The following DIP2C variants were observed in gnomAD, a reference collection of about 807,000 sequenced individuals.
DIP2C encodes the protein disco-interacting protein 2 homolog C.
In DIP2C, 33 loss-of-function variants were observed where a neutral mutation model predicts 192.4. That is an observed-to-expected ratio of 0.17 (90% CI 0.13 to 0.23). The LOEUF is 0.23. Among genes scored for constraint, DIP2C ranks in the 10% least tolerant of loss-of-function variants. DIP2C has a pLI of 1.00. For synonymous variants in DIP2C, 979 were observed against 864.1 expected, an observed-to-expected ratio of 1.13 and a Z score of -2.33; for missense variants, 1,537 against 2,110.1, an observed-to-expected ratio of 0.73 and a Z score of 5.32.
At chr10:480,000 T>C in intron 2 of DIP2C, among the ~76,000 whole-genome samples, 2 of 130,680 alleles carry the variant, frequency 1.5e-5, no homozygotes, top group East Asian at 2.3e-4. Context: ...CAGCCTGAGC[T>C]CCAGTCGACG....
intron 1 of DIP2C, among the ~76,000 whole-genome samples, chr10:670,588 G>A (rs913779070): frequency 3.3e-5 from 5 of 151,980 alleles, no homozygotes; most frequent in Non-Finnish European, 7.4e-5. Context: ...TGCCAACATC[G>A]GCCTGGATTA....
chr10:570,259 C>G (rs1312813417), intron 1 of DIP2C, among the ~76,000 whole-genome samples: 1 of 152,176 alleles, frequency 6.6e-6, no homozygotes, highest in Non-Finnish European at 1.5e-5. Flanking sequence ...ATTTAAACTT[C>G]ACAGTGTCAC....
chr10:511,040 G>A (rs1305451837), intron 1 of DIP2C, among the ~76,000 whole-genome samples: 1 of 152,216 alleles, frequency 6.6e-6, no homozygotes, highest in Non-Finnish European at 1.5e-5. Context: ...GACGTGCTTT[G>A]TTCAAGAGGT....
intron 1 of DIP2C, among the ~76,000 whole-genome samples, chr10:614,285 T>C (rs1056255641): frequency 6.6e-6 from 1 of 152,222 alleles, no homozygotes; most frequent in Non-Finnish European, 1.5e-5. Flanking sequence ...GTGTGGATGA[T>C]GGGTGCATTT....
chr10:529,775 G>A (rs1847261587), intron 1 of DIP2C, among the ~76,000 whole-genome samples: 1 of 151,796 alleles, frequency 6.6e-6, no homozygotes, highest in Admixed American at 6.6e-5. Flanking sequence ...GCTATGGAAA[G>A]GTTTAGCTTG....
intron 4 of DIP2C, among the ~76,000 whole-genome samples, chr10:440,344 A>G (rs1262016028): frequency 1.3e-5 from 2 of 152,230 alleles, no homozygotes; most frequent in Non-Finnish European, 2.9e-5. Flanking sequence ...TTCACACTCC[A>G]AGGGCAGAGT....
At chr10:399,058 G>A (rs1043527782) in intron 10 of DIP2C, 51 bp downstream of exon 10, 13 of 1,501,926 alleles carry the variant, frequency 8.7e-6, no homozygotes, top group African/African-American at 8.2e-5. Flanking sequence ...TACAGCCACC[G>A]TGAAAGCCAT....
intron 29 of DIP2C, among the ~76,000 whole-genome samples, chr10:333,754 T>C (rs976175941): frequency 6.6e-5 from 10 of 152,236 alleles, no homozygotes; most frequent in African/African-American, 2.4e-4. Flanking sequence ...TTTTTCCACC[T>C]TCTTGGTTAC....
In DIP2C at chr10:385,571, G is replaced by A. The variant is rs911783538; in HGVS notation, c.1663-932C>T. ...TGAATCGCAGGGCTAGGGGAAGCTC[G>A]GATTCTGGCTCTGGCCGGGCCTTGC... On this transcript the variant is annotated intron_variant, in intron 14 of 36. Transcript: ENST00000280886. 1.2e-4 allele frequency among the ~76,000 whole-genome samples: 19 copies of A among 152,160 alleles called. No homozygotes were observed. In the East Asian group the frequency reaches 1.7e-3, roughly 14 times the overall value.
At chr10:482,166 T>C (rs538119989) in intron 2 of DIP2C, among the ~76,000 whole-genome samples, 2 of 152,192 alleles carry the variant, frequency 1.3e-5, no homozygotes, top group African/African-American at 2.4e-5. Flanking sequence ...GAGTTCCTCA[T>C]GTGGATGCAG....
At chr10:599,760 G>A (rs570050466) in intron 1 of DIP2C, among the ~76,000 whole-genome samples, 9 of 152,294 alleles carry the variant, frequency 5.9e-5, no homozygotes, top group East Asian at 1.9e-4. Context: ...TTAAGATTCC[G>A]GATGTAAATG....
Position 439,396 on chromosome 10 carries a change from CGAA to C in DIP2C, c.394+1472_394+1474del, listed in dbSNP as rs1254201359. ...GCCCGCTGGCACTGTGTTCTTTAGA[CGAA>C]GATCACGCATGTGTAAATGAAAAAC... On this transcript the variant is annotated intron_variant, in intron 4 of 36. Transcript: ENST00000280886. Among the ~76,000 whole-genome samples, 3 of 120,680 alleles carry C rather than the reference CGAA, an allele frequency of 2.5e-5. No individual in the cohort carries two copies. The East Asian group carries it at 6.3e-4, about 25-fold the overall frequency. 79.2% of individuals were successfully genotyped at this position (120,680 alleles called of 152,430 possible).
chr10:278,311 G>A (rs1954628488), intron 36 of DIP2C, among the ~76,000 whole-genome samples: 1 of 152,378 alleles, frequency 6.6e-6, no homozygotes, highest in Non-Finnish European at 1.5e-5. Flanking sequence ...CGCCTGAGTG[G>A]GGGTGTGTTT....
chr10:512,955 G>GT (rs1250173137), intron 1 of DIP2C, among the ~76,000 whole-genome samples: 1 of 143,494 alleles, frequency 7.0e-6, no homozygotes, highest in Non-Finnish European at 1.5e-5. Flanking sequence ...GGGAGCTAAT[G>GT]TTTTTCATTT....
chr10:494,509 A>C (rs754628398), intron 1 of DIP2C, among the ~76,000 whole-genome samples: 1 of 152,234 alleles, frequency 6.6e-6, no homozygotes, highest in Admixed American at 6.5e-5. Flanking sequence ...CTTTCTGCTC[A>C]GTTGCCTTTT....
At chr10:324,387 C>T (rs1338360476) in intron 31 of DIP2C, among the ~76,000 whole-genome samples, 1 of 152,172 alleles carries the variant, frequency 6.6e-6, no homozygotes, top group Non-Finnish European at 1.5e-5. Context: ...CTCACAAAGC[C>T]AGAAACCTAA....
intron 4 of DIP2C, 113 bp from the exon 5 acceptor site, chr10:423,146 G>T: frequency 9.8e-7 from 1 of 1,021,228 alleles, no homozygotes. Flanking sequence ...GTTGTTCAAT[G>T]ACTTTTTGAT....
intron 1 of DIP2C, among the ~76,000 whole-genome samples, chr10:551,705 G>C (rs1003617978): frequency 7.2e-5 from 11 of 152,244 alleles, no homozygotes; most frequent in African/African-American, 2.7e-4. Context: ...AAGGGTCCAA[G>C]AGCAAACACA....
chr10:386,544 A>T (rs894645911), intron 14 of DIP2C, among the ~76,000 whole-genome samples: 1 of 152,164 alleles, frequency 6.6e-6, no homozygotes, highest in Non-Finnish European at 1.5e-5. Flanking sequence ...TGGTGCTGGG[A>T]ACACGCTGCT....
Sources: allele counts gnomAD v4.1 joint callset (sites outside exome capture counted in the v4.1 genomes callset), GRCh38; gene constraint gnomAD v4.1.1; transcripts MANE v1.5; gene names NCBI Gene and HGNC (gene_info 2026-07-23, HGNC 2026-07-21).